The following LINGO2 variants were observed in gnomAD, a reference collection of about 807,000 sequenced individuals.
LINGO2 encodes leucine-rich repeat and immunoglobulin-like domain-containing nogo receptor-interacting protein 2.
A neutral mutation model predicts 30.6 loss-of-function variants in LINGO2; 14 were observed. The observed-to-expected ratio is 0.46, with a 90% CI of 0.30 to 0.72. The LOEUF (loss-of-function observed/expected upper bound fraction) is 0.72, where lower values mean the gene tolerates loss of function less well. Ranked by LOEUF, LINGO2 falls within the 30% of genes least tolerant of loss-of-function variation. LINGO2 has a pLI of 0.07. For synonymous variants in LINGO2, 317 were observed against 288.5 expected, an observed-to-expected ratio of 1.10 and a Z score of -1.00; for missense variants, 729 against 751.7, an observed-to-expected ratio of 0.97 and a Z score of 0.35.
At chr9:28,037,342 C>T (rs962982234) in intron 4 of LINGO2, among the ~76,000 whole-genome samples, 1 of 152,178 alleles carries the variant, frequency 6.6e-6, no homozygotes, top group Admixed American at 6.5e-5. Context: ...ACTTTATACT[C>T]CAGTAAGACT....
the LINGO2 span, chr9:27,939,311 C>T: frequency 2.6e-5 from 4 of 152,278 alleles, 1 homozygote; most frequent in African/African-American, 9.6e-5. Context: ...TTTCAGTTTC[C>T]GTGAACCCAT....
intron 3 of LINGO2, among the ~76,000 whole-genome samples, chr9:28,303,459 T>C (rs1424057609): frequency 6.6e-6 from 1 of 152,062 alleles, no homozygotes; most frequent in East Asian, 1.9e-4. Flanking sequence ...TATATAAAAT[T>C]GACCCCTGAA....
At chr9:28,883,616 A>ATG in the LINGO2 span, among the ~76,000 whole-genome samples, 10 of 16,968 alleles carry the variant, frequency 5.9e-4, no homozygotes, top group Admixed American at 1.1e-3. Flanking sequence ...TATATATAAA[A>ATG]TATGTGTGTG....
At chr9:28,656,339 T>C (rs1828336391) in intron 1 of LINGO2, among the ~76,000 whole-genome samples, 1 of 151,932 alleles carries the variant, frequency 6.6e-6, no homozygotes, top group Non-Finnish European at 1.5e-5. Context: ...ATCATATTAA[T>C]TACAAAGAAA....
chr9:28,312,934 A>T (rs1481007877), intron 3 of LINGO2, among the ~76,000 whole-genome samples: 1 of 152,172 alleles, frequency 6.6e-6, no homozygotes, highest in South Asian at 2.1e-4. Context: ...GTTATTTATT[A>T]CATTAAATGT....
intron 2 of LINGO2, among the ~76,000 whole-genome samples, chr9:28,437,014 A>G (rs553351972): frequency 6.6e-6 from 1 of 152,256 alleles, no homozygotes; most frequent in South Asian, 2.1e-4. Context: ...CCTCAATGTG[A>G]TGGTTACTTA....
chr9:28,162,376 T>C (rs1828310957), intron 4 of LINGO2, among the ~76,000 whole-genome samples: 1 of 152,176 alleles, frequency 6.6e-6, no homozygotes, highest in African/African-American at 2.4e-5. Flanking sequence ...TAGTTTTTCA[T>C]GTCAGACTCT....
chr9:29,191,678 T>C, the LINGO2 span, among the ~76,000 whole-genome samples: 1 of 152,162 alleles, frequency 6.6e-6, no homozygotes, highest in Non-Finnish European at 1.5e-5. Flanking sequence ...ATTAATACCA[T>C]AATCAGGATA....
chr9:28,318,440 T>C (rs1824922552), intron 3 of LINGO2, among the ~76,000 whole-genome samples: 1 of 152,204 alleles, frequency 6.6e-6, no homozygotes, highest in Non-Finnish European at 1.5e-5. Flanking sequence ...TGTGTTCATC[T>C]TAGTAGAACC....
chr9:28,567,443 C>T (rs1168716832), intron 1 of LINGO2, among the ~76,000 whole-genome samples: 1 of 152,092 alleles, frequency 6.6e-6, no homozygotes, highest in Non-Finnish European at 1.5e-5. Context: ...GGTACATATA[C>T]ACTGTGAAAT....
the LINGO2 span, among the ~76,000 whole-genome samples, chr9:28,837,378 G>A: frequency 3.8e-4 from 58 of 151,880 alleles, no homozygotes; most frequent in African/African-American, 1.3e-3. Context: ...AAGCGTGGTG[G>A]CTCATGCCTA....
intron 4 of LINGO2, among the ~76,000 whole-genome samples, chr9:28,172,573 C>A (rs1436519692): frequency 6.6e-6 from 1 of 152,114 alleles, no homozygotes; most frequent in African/African-American, 2.4e-5. Flanking sequence ...ACATTAATTC[C>A]TGAGTGATAA....
chr9:28,052,438 G>A (rs1471144564), intron 4 of LINGO2, among the ~76,000 whole-genome samples: 3 of 152,060 alleles, frequency 2.0e-5, no homozygotes, highest in Non-Finnish European at 4.4e-5. Flanking sequence ...CAAGAAGCTA[G>A]AGAGCACATT....
chr9:28,029,928 GA>G (rs1823584288), intron 4 of LINGO2, among the ~76,000 whole-genome samples: 2 of 152,150 alleles, frequency 1.3e-5, no homozygotes, highest in Non-Finnish European at 2.9e-5. Flanking sequence ...AGAGAAATAG[GA>G]AGATTCCTAC....
chr9:28,897,661 T>C, the LINGO2 span, among the ~76,000 whole-genome samples: 4 of 152,032 alleles, frequency 2.6e-5, no homozygotes, highest in South Asian at 8.3e-4. Context: ...CCTAATTTCC[T>C]CTCCTGTAAA....
chr9:29,003,599 C>G, the LINGO2 span, among the ~76,000 whole-genome samples: 883 of 152,040 alleles, frequency 5.8e-3, 6 homozygotes, highest in African/African-American at 0.02. Flanking sequence ...GGAAAGGTGA[C>G]TGTAGTTTAC....
chr9:28,759,694 A>G, the LINGO2 span, among the ~76,000 whole-genome samples: 1 of 151,930 alleles, frequency 6.6e-6, no homozygotes, highest in Non-Finnish European at 1.5e-5. Flanking sequence ...AAAGAAAAAA[A>G]AAAAAGAAAG....
the LINGO2 span, among the ~76,000 whole-genome samples, chr9:28,732,161 G>A: frequency 6.6e-6 from 1 of 151,920 alleles, no homozygotes; most frequent in Admixed American, 6.6e-5. Context: ...GGTTTTAAGT[G>A]GTGAAAAAAA....
the LINGO2 span, among the ~76,000 whole-genome samples, chr9:29,082,082 A>G: frequency 3.3e-5 from 5 of 152,114 alleles, no homozygotes; most frequent in African/African-American, 1.2e-4. Context: ...AAACTACTTT[A>G]AAGTTCATAT....
Sources: allele counts gnomAD v4.1 joint callset (sites outside exome capture counted in the v4.1 genomes callset), GRCh38; gene constraint gnomAD v4.1.1; transcripts MANE v1.5; gene names NCBI Gene and HGNC (gene_info 2026-07-23, HGNC 2026-07-21).